The following CSMD1 variants were observed in gnomAD, a reference collection of about 807,000 sequenced individuals.
CSMD1 encodes CUB and sushi domain-containing protein 1.
Under a neutral mutation model 417.5 loss-of-function variants are expected in CSMD1, and 213 were observed. That is an observed-to-expected ratio of 0.51 (90% CI 0.46 to 0.57). CSMD1 has a LOEUF of 0.57. Among genes scored for constraint, CSMD1 ranks in the 20% least tolerant of loss-of-function variants. The probability of loss-of-function intolerance (pLI) is 0.00; values close to 1 mark genes in which losing one functional copy is unlikely to be tolerated. For synonymous variants in CSMD1, 2,862 were observed against 1,736.8 expected, an observed-to-expected ratio of 1.65 and a Z score of -16.11; for missense variants, 6,923 against 4,529.7, an observed-to-expected ratio of 1.53 and a Z score of -15.17.
intron 21 of CSMD1, among the ~76,000 whole-genome samples, chr8:3,350,282 G>A (rs1330037998): frequency 1.4e-5 from 2 of 146,708 alleles, no homozygotes; most frequent in Admixed American, 7.0e-5. Context: ...AATAACTTGT[G>A]TATGTGTGTG....
intron 3 of CSMD1, among the ~76,000 whole-genome samples, chr8:4,179,080 T>C (rs1798211937): frequency 1.3e-5 from 2 of 152,022 alleles, no homozygotes; most frequent in African/African-American, 2.4e-5. Flanking sequence ...AAAACTACTT[T>C]AAAGTTCATA....
chr8:3,918,278 A>G (rs1279619000), intron 5 of CSMD1, among the ~76,000 whole-genome samples: 1 of 152,040 alleles, frequency 6.6e-6, no homozygotes, highest in South Asian at 2.1e-4. Flanking sequence ...AGCAGCCTAC[A>G]AACTCTTTTC....
intron 3 of CSMD1, among the ~76,000 whole-genome samples, chr8:4,084,901 A>C (rs1211279049): frequency 6.6e-6 from 1 of 151,944 alleles, no homozygotes; most frequent in African/African-American, 2.4e-5. Context: ...TAAAAAAGAA[A>C]AAACAAAAAC....
At chr8:3,888,138 A>G (rs1806688801) in intron 5 of CSMD1, among the ~76,000 whole-genome samples, 1 of 152,214 alleles carries the variant, frequency 6.6e-6, no homozygotes, top group Admixed American at 6.5e-5. Context: ...ATGGATAACT[A>G]ACATCATTTG....
rs547359306 is a variant in CSMD1 at position 4,215,260 on chromosome 8, T to C, written c.416-183161A>G. 1.2e-4 allele frequency among the ~76,000 whole-genome samples: 18 copies of C among 152,328 alleles called. No individual in the cohort carries two copies. In the East Asian group the frequency reaches 3.5e-3, roughly 29 times the overall value. ...CAGAGATGTGCTTTTCTCCTGTTCA[T>C]AGCCAAATGCTGTACTTTTCATAAT... On this transcript the variant is annotated intron_variant, in intron 3 of 69. Coordinates refer to ENST00000635120, the MANE Select transcript of CSMD1 (RefSeq NM_033225.6).
intron 3 of CSMD1, among the ~76,000 whole-genome samples, chr8:4,255,714 G>C (rs1415739590): frequency 6.6e-6 from 1 of 152,196 alleles, no homozygotes; most frequent in Non-Finnish European, 1.5e-5. Context: ...GGCACTGTGA[G>C]TTATTTCTAC....
intron 5 of CSMD1, among the ~76,000 whole-genome samples, chr8:3,833,107 T>C (rs1453586323): frequency 6.6e-6 from 1 of 152,154 alleles, no homozygotes; most frequent in Non-Finnish European, 1.5e-5. Context: ...CAAAAACAAC[T>C]TCCCACTACA....
chr8:3,309,984 C>T lies in CSMD1; in HGVS notation c.3632-1481G>A, dbSNP rs574570268. Among the ~76,000 whole-genome samples, 16 of 152,242 alleles carry T rather than the reference C, an allele frequency of 1.1e-4. No homozygotes were observed. In the South Asian group the frequency reaches 2.7e-3, roughly 26 times the overall value. On this transcript the variant is annotated intron_variant, in intron 23 of 69. Coordinates refer to ENST00000635120, the MANE Select transcript of CSMD1 (RefSeq NM_033225.6). ...ACCAACCATGACATTATTATTTTTA[C>T]GATAACCCTGATCTATTTAAGAGAC...
At chr8:4,516,441 G>C (rs1011618797) in intron 2 of CSMD1, among the ~76,000 whole-genome samples, 7 of 152,170 alleles carry the variant, frequency 4.6e-5, no homozygotes, top group South Asian at 2.1e-4. Flanking sequence ...CTCTGCCCCA[G>C]AGACGCCTCA....
At chr8:3,234,792 A>C (rs565986737) in intron 26 of CSMD1, among the ~76,000 whole-genome samples, 8 of 152,312 alleles carry the variant, frequency 5.3e-5, no homozygotes, top group African/African-American at 1.7e-4. Flanking sequence ...CCAGAATCAC[A>C]AGGCAATTGG....
At position 3,110,198 on chromosome 8, in the gene CSMD1, G is replaced by C; in HGVS notation, c.6568C>G (p.Leu2190Val). The part of the protein sequence containing the change: ...PGHGVYINFT[L>V]LQTEAVNDYI... ...TCGTTGACAGCTTCCGTCTGTAACA[G>C]GGTGAAGTTGATGTAAACTCCGTGC... The change falls in exon 43 of 70, where the codon CTG (leucine) becomes GTG (valine). Residue 2190 changes from leucine to valine, a missense_variant. Physicochemically the swap from Leu to Val is conservative, Grantham distance 32 (BLOSUM62 1). Transcript: ENST00000635120. 1 of 1,613,096 alleles carries C rather than the reference G, an allele frequency of 6.2e-7. No individual in the cohort carries two copies. The highest frequency in any genetic ancestry group is 8.5e-7 in the Non-Finnish European group (1 of 1,179,528).
At chr8:4,519,586 C>A (rs78202088) in intron 2 of CSMD1, among the ~76,000 whole-genome samples, 4,088 of 150,022 alleles carry the variant, frequency 0.027, 152 homozygotes, top group African/African-American at 0.088. Flanking sequence ...CTAAAAACAC[C>A]AAAATTAGCC....
rs555848325 is a variant in CSMD1 at position 4,204,264 on chromosome 8, G to GA, written c.416-172166dup. On this transcript the variant is annotated intron_variant, in intron 3 of 69. Coordinates refer to ENST00000635120, the MANE Select transcript of CSMD1 (RefSeq NM_033225.6). ...CTAATACCCATTTATGCAATGCTAGGAAAAAAAAAAAACCTCAATTTGGAA... is the reference window on the plus strand; with the variant it reads ...CTAATACCCATTTATGCAATGCTAGGAAAAAAAAAAAAACCTCAATTTGGAA... 8.8e-3 allele frequency among the ~76,000 whole-genome samples: 1,256 copies of GA among 143,306 alleles called. 8 individuals carry two copies. The highest frequency in any genetic ancestry group is 0.014 in the African/African-American group (555 of 39,104). 94.0% of individuals were successfully genotyped at this position (143,306 alleles called of 152,430 possible). A position where few individuals can be genotyped will look rare whatever the true frequency, so the allele number is the denominator to read the frequency against.
intron 41 of CSMD1, among the ~76,000 whole-genome samples, chr8:3,139,357 C>G (rs979328384): frequency 3.3e-5 from 5 of 152,062 alleles, no homozygotes; most frequent in African/African-American, 1.2e-4. Flanking sequence ...AAGAAAATAA[C>G]AACTTAGCCA....
intron 50 of CSMD1, among the ~76,000 whole-genome samples, chr8:3,045,497 G>A (rs1811375350): frequency 6.6e-6 from 1 of 152,154 alleles, no homozygotes; most frequent in African/African-American, 2.4e-5. Context: ...AACTGCAAGA[G>A]ACCCCTTATT....
At chr8:3,531,693 C>T (rs1454368422) in intron 10 of CSMD1, among the ~76,000 whole-genome samples, 1 of 152,128 alleles carries the variant, frequency 6.6e-6, no homozygotes, top group African/African-American at 2.4e-5. Flanking sequence ...GCAAAGAGTC[C>T]TCAGCAGAAC....
At chr8:3,098,133 T>C (rs1481546355) in intron 46 of CSMD1, among the ~76,000 whole-genome samples, 1 of 152,226 alleles carries the variant, frequency 6.6e-6, no homozygotes, top group African/African-American at 2.4e-5. Context: ...AGGGAAATTT[T>C]TTTCTATTAC....
chr8:3,947,567 A>G (rs187137457), intron 5 of CSMD1, among the ~76,000 whole-genome samples: 34 of 152,350 alleles, frequency 2.2e-4, no homozygotes, highest in Admixed American at 9.1e-4. Flanking sequence ...ATATTTGGAA[A>G]TTAAATAAAC....
intron 3 of CSMD1, among the ~76,000 whole-genome samples, chr8:4,341,984 C>T (rs1449099090): frequency 2.0e-5 from 3 of 152,050 alleles, no homozygotes; most frequent in South Asian, 4.1e-4. Context: ...ACGAAAGTGG[C>T]CTTATTTCCA....
Sources: allele counts gnomAD v4.1 joint callset (sites outside exome capture counted in the v4.1 genomes callset), GRCh38; gene constraint gnomAD v4.1.1; transcripts MANE v1.5; gene names NCBI Gene and HGNC (gene_info 2026-07-23, HGNC 2026-07-21).